ASTN2: variants seen among roughly 807,000 people sequenced by gnomAD.
ASTN2 encodes the protein astrotactin-2.
In ASTN2, 54 loss-of-function variants were observed where a neutral mutation model predicts 139.8. The observed-to-expected ratio is 0.39, with a 90% CI of 0.31 to 0.48. The LOEUF is 0.48. Ranked by LOEUF, ASTN2 falls within the 20% of genes least tolerant of loss-of-function variation. The pLI, the probability that ASTN2 is intolerant of heterozygous loss-of-function variation, is 0.95. For synonymous variants in ASTN2, 756 were observed against 719.5 expected (o/e 1.05, Z -0.81); for missense variants, 1,565 against 1,725.1 (o/e 0.91, Z 1.64).
chr9:117,093,965 T>C (rs1828770951), intron 5 of ASTN2, among the ~76,000 whole-genome samples: 1 of 152,190 alleles, frequency 6.6e-6, no homozygotes, highest in African/African-American at 2.4e-5. Flanking sequence ...CTAATAGATT[T>C]GTATTTTGAT....
intron 1 of ASTN2, among the ~76,000 whole-genome samples, chr9:117,296,743 C>A (rs1376946643): frequency 1.3e-5 from 2 of 152,198 alleles, no homozygotes; most frequent in African/African-American, 4.8e-5. Flanking sequence ...GACTCCAGTG[C>A]CTGCCTCCCT....
intron 10 of ASTN2, among the ~76,000 whole-genome samples, chr9:116,879,139 C>T (rs975225453): frequency 6.6e-6 from 1 of 152,116 alleles, no homozygotes; most frequent in African/African-American, 2.4e-5. Flanking sequence ...AGCTCAGCCT[C>T]CCTCTGCTGT....
At chr9:116,478,232 GGGGAGGGAGGGAGGGA>G (rs1204435176) in intron 20 of ASTN2, among the ~76,000 whole-genome samples, 2 of 103,418 alleles carry the variant, frequency 1.9e-5, no homozygotes, top group South Asian at 1.0e-3. Context: ...GGGAGTAAGG[GGGGAGGGAGGGAGGGA>G]GGGAGGGAAG....
chr9:116,630,595 G>A (rs933043635), intron 17 of ASTN2, among the ~76,000 whole-genome samples: 33 of 152,038 alleles, frequency 2.2e-4, no homozygotes, highest in African/African-American at 7.0e-4. Flanking sequence ...CCTTCTTTGC[G>A]ACAACCAAAT....
rs142767822 is a variant in ASTN2, at chr9:117,271,530, G to A, written c.630+19796C>T. Among the ~76,000 whole-genome samples the A allele has an allele frequency of 3.9e-5, 6 of 152,206 alleles. No homozygotes were observed. In the East Asian group the frequency reaches 5.8e-4, roughly 15 times the overall value. On this transcript the variant is annotated intron_variant, in intron 2 of 22. Coordinates refer to ENST00000313400, the MANE Select transcript of ASTN2 (RefSeq NM_001365068.1). ...CCTCAAAGTCTTAAATCATTTCAGC[G>A]TTAACTCAAAGTCCACAGTCCAAAG...
chr9:116,539,483 A>C (rs566593293), intron 19 of ASTN2, among the ~76,000 whole-genome samples: 6 of 152,248 alleles, frequency 3.9e-5, no homozygotes, highest in Non-Finnish European at 8.8e-5. Flanking sequence ...AAAGTGGTTT[A>C]GAAAAGGCAG....
intron 3 of ASTN2, among the ~76,000 whole-genome samples, chr9:117,190,042 A>G (rs1047252688): frequency 6.6e-6 from 1 of 151,972 alleles, no homozygotes; most frequent in Non-Finnish European, 1.5e-5. Context: ...CCTCTGGGAG[A>G]TGTGAGTTCC....
chr9:116,448,389 G>A (rs1303067912), intron 20 of ASTN2, among the ~76,000 whole-genome samples: 1 of 152,142 alleles, frequency 6.6e-6, no homozygotes, highest in Non-Finnish European at 1.5e-5. Context: ...AAGCTGGATG[G>A]CCAGGGCCAC....
At chr9:117,127,100 T>C (rs1012753193) in intron 4 of ASTN2, among the ~76,000 whole-genome samples, 7 of 152,228 alleles carry the variant, frequency 4.6e-5, no homozygotes, top group Admixed American at 3.3e-4. Flanking sequence ...CCACAGATGC[T>C]GATCTAAGAA....
chr9:116,575,240 T>C (rs896309730), intron 19 of ASTN2, among the ~76,000 whole-genome samples: 1 of 152,102 alleles, frequency 6.6e-6, no homozygotes. Context: ...TTTTAATAAT[T>C]ATAAAAATAC....
rs561199108 is a variant in ASTN2 at position 117,405,073 on chromosome 9, G to T, written c.442+9424C>A. Among the ~76,000 whole-genome samples the T allele has an allele frequency of 5.3e-5, 8 of 152,316 alleles. No homozygotes were observed. The South Asian group carries it at 1.5e-3, about 28-fold the overall frequency. On this transcript the variant is annotated intron_variant, in intron 1 of 22. Transcript: ENST00000313400. Reference sequence around the variant, plus strand: ...GCAAAGGGGCCTGGGGAGCTGCTAAGTCAGCTCCTGGCAGCACAGAACAAG... The same window carrying T: ...GCAAAGGGGCCTGGGGAGCTGCTAATTCAGCTCCTGGCAGCACAGAACAAG...
chr9:116,627,097 A>T (rs572956401), intron 17 of ASTN2, among the ~76,000 whole-genome samples: 13 of 152,246 alleles, frequency 8.5e-5, no homozygotes, highest in Non-Finnish European at 1.8e-4. Context: ...TTCTTTTACA[A>T]ATCAAAGAAT....
chr9:117,394,750 G>A (rs1425206705), intron 1 of ASTN2, among the ~76,000 whole-genome samples: 1 of 152,194 alleles, frequency 6.6e-6, no homozygotes, highest in Non-Finnish European at 1.5e-5. Flanking sequence ...TGGCTGAAGT[G>A]TAGGCAAAGG....
chr9:116,639,565 G>C (rs918930560), intron 17 of ASTN2, among the ~76,000 whole-genome samples: 1 of 152,166 alleles, frequency 6.6e-6, no homozygotes, highest in African/African-American at 2.4e-5. Flanking sequence ...AGCTCCCTGT[G>C]AACAGGGTTA....
chr9:116,820,506 T>G, intron 12 of ASTN2, 111 bp downstream of exon 12: 1 of 1,368,534 alleles, frequency 7.3e-7, no homozygotes, highest in Non-Finnish European at 9.9e-7. Context: ...AGAAAGGCCA[T>G]TTTATTGAAG....
chr9:116,470,694 CA>C (rs770882449), intron 20 of ASTN2, among the ~76,000 whole-genome samples: 1 of 152,050 alleles, frequency 6.6e-6, no homozygotes, highest in Non-Finnish European at 1.5e-5. Context: ...GAAGAGAAGG[CA>C]AAAGTCCTAC....
chr9:116,959,347 A>G (rs2132500202), intron 10 of ASTN2, among the ~76,000 whole-genome samples: 1 of 152,282 alleles, frequency 6.6e-6, no homozygotes, highest in African/African-American at 2.4e-5. Context: ...AAACCTCCAG[A>G]ATGGAGCACG....
In ASTN2 at chr9:117,039,900, C is replaced by T; in HGVS notation, c.1342G>A (p.Ala448Thr). The change falls in exon 6 of 23, where the codon GCC becomes ACC. Residue 448 changes from alanine (A) to threonine (T), a missense_variant. Ala to Thr is a moderately conservative substitution (Grantham distance 58). This residue lies in a region of ASTN2 where 503 missense variants were observed against 591.7 expected (regional missense o/e 0.85). Transcript: ENST00000313400. ...GACATCTGGCTGCCACACACCATGG[C>T]CAGGATGCAGGAACTCACAGCAATC... ...TLIAVSSCIL[A>T]MVCGSQMSCP... is the part of the protein sequence containing the mutation. 1 of 1,613,786 alleles carries T rather than the reference C, an allele frequency of 6.2e-7. No individual in the cohort carries two copies. Among genetic ancestry groups the T allele is most frequent in the Non-Finnish European group, 8.5e-7 (1 of 1,179,862 alleles).
At chr9:117,173,693 A>T (rs1216464080) in intron 3 of ASTN2, among the ~76,000 whole-genome samples, 6 of 152,212 alleles carry the variant, frequency 3.9e-5, no homozygotes, top group Admixed American at 3.9e-4. Flanking sequence ...GCAAAACTTG[A>T]GGTCTAGAGA....
Sources: gnomAD v4.1 joint callset for allele counts (sites outside exome capture counted in the v4.1 genomes callset) on GRCh38, gnomAD v4.1.1 for gene constraint, gnomAD v4.1.1 regional missense constraint, MANE v1.5 for transcripts, NCBI Gene and HGNC (gene_info 2026-07-23, HGNC 2026-07-21) for gene names.